Variants in DOCK11 observed in about 807,000 individuals in gnomAD.
DOCK11 encodes dedicator of cytokinesis protein 11.
DOCK11 carries 70 observed loss-of-function variants against 169.1 expected under a neutral mutation model. The ratio of observed to expected loss-of-function variants is 0.41; its 90% CI spans 0.34 to 0.51. The LOEUF (loss-of-function observed/expected upper bound fraction) is 0.51. Ranked by LOEUF, DOCK11 falls within the 20% of genes least tolerant of loss-of-function variation. DOCK11 has a pLI of 0.10. For synonymous variants in DOCK11, 529 were observed against 541.3 expected, an observed-to-expected ratio of 0.98 and a Z score of 0.32; for missense variants, 1,166 against 1,538.8, an observed-to-expected ratio of 0.76 and a Z score of 4.05.
chrX:118,639,649 G>T, intron 38 of DOCK11, 72 bp downstream of exon 38: 1 of 1,058,438 alleles, frequency 9.4e-7, no homozygotes, highest in Non-Finnish European at 1.3e-6. Context: ...AAAACTGAAG[G>T]TGATGGATAC....
At chrX:118,503,163 G>A (rs768417365) in intron 1 of DOCK11, among the ~76,000 whole-genome samples, 1 of 104,323 alleles carries the variant, frequency 9.6e-6, no homozygotes, top group East Asian at 3.1e-4. Context: ...GGGTTCAAGC[G>A]ATTCTCCTGC....
intron 33 of DOCK11, 150 bp from the exon 34 acceptor site, chrX:118,628,013 T>C: frequency 2.5e-6 from 1 of 392,711 alleles, no homozygotes; most frequent in Non-Finnish European, 4.5e-6. Context: ...TGGTTTCTTA[T>C]GGTGTTTTGA....
intron 1 of DOCK11, among the ~76,000 whole-genome samples, chrX:118,507,642 G>C (rs1476183452): frequency 8.9e-6 from 1 of 111,984 alleles, no homozygotes; most frequent in Non-Finnish European, 1.9e-5. Context: ...GAGCCACCGT[G>C]CCCGGCCCGT....
chrX:118,574,077 G>T, intron 12 of DOCK11, 59 bp downstream of exon 12: 5 of 1,075,454 alleles, frequency 4.6e-6, no homozygotes, highest in Non-Finnish European at 6.4e-6. Flanking sequence ...AAATATTCTT[G>T]TATTATTTCA....
chrX:118,602,094 C>CT (rs536697143), intron 23 of DOCK11, among the ~76,000 whole-genome samples: 33,888 of 74,559 alleles, frequency 0.45, 8,387 homozygotes, highest in East Asian at 0.82. Context: ...CCGGCCAAGA[C>CT]TTTTTTTTTT....
chrX:118,527,037 G>A (rs2011392768), intron 1 of DOCK11, among the ~76,000 whole-genome samples: 1 of 111,895 alleles, frequency 8.9e-6, no homozygotes, highest in African/African-American at 3.3e-5. Context: ...ACTCCCTAAT[G>A]TTTTCATTGC....
chrX:118,503,399 A>G (rs2057589865), intron 1 of DOCK11, among the ~76,000 whole-genome samples: 1 of 111,839 alleles, frequency 8.9e-6, no homozygotes, highest in African/African-American at 3.3e-5. Flanking sequence ...AATGGAGATA[A>G]GGGAGAAGAC....
intron 45 of DOCK11, among the ~76,000 whole-genome samples, chrX:118,666,925 G>A (rs1026819313): frequency 1.8e-5 from 2 of 111,754 alleles, no homozygotes; most frequent in African/African-American, 6.5e-5. Context: ...TATTAGGTGT[G>A]AATCAACATC....
chrX:118,535,186 T>G (rs759248540), intron 1 of DOCK11, among the ~76,000 whole-genome samples: 4 of 112,137 alleles, frequency 3.6e-5, no homozygotes, highest in Non-Finnish European at 5.6e-5. Flanking sequence ...GAGAAAATGA[T>G]TTGCTTTTGT....
At chrX:118,527,944 A>G (rs962935197) in intron 1 of DOCK11, among the ~76,000 whole-genome samples, 7 of 112,499 alleles carry the variant, frequency 6.2e-5, no homozygotes, top group African/African-American at 2.3e-4. Flanking sequence ...TAGGAAGTGG[A>G]TAGAGTGGTA....
At chrX:118,610,487 T>G in intron 28 of DOCK11, 69 bp downstream of exon 28, 2 of 1,133,557 alleles carry the variant, frequency 1.8e-6, no homozygotes. Flanking sequence ...AGAAAAAAAT[T>G]AAGCACTTTC....
intron 19 of DOCK11, among the ~76,000 whole-genome samples, chrX:118,590,717 G>A (rs768145937): frequency 8.9e-6 from 1 of 112,000 alleles, no homozygotes; most frequent in African/African-American, 3.3e-5. Flanking sequence ...ACAGTAGGGT[G>A]CAGCCTCTCT....
intron 1 of DOCK11, among the ~76,000 whole-genome samples, chrX:118,512,063 G>A (rs1012065711): frequency 9.8e-5 from 11 of 111,825 alleles, no homozygotes; most frequent in Non-Finnish European, 1.9e-4. Context: ...ACAGGCGCAC[G>A]CCGCCATGCG....
intron 44 of DOCK11, among the ~76,000 whole-genome samples, chrX:118,657,408 TTAAA>T: frequency 8.9e-6 from 1 of 112,270 alleles, no homozygotes. Flanking sequence ...TTTCTTTTAA[TTAAA>T]TTTTATTTTA....
At chrX:118,544,529 A>G (rs1196301562) in intron 4 of DOCK11, among the ~76,000 whole-genome samples, 3 of 109,402 alleles carry the variant, frequency 2.7e-5, no homozygotes, top group Non-Finnish European at 5.7e-5. Flanking sequence ...ACTGAGTCCT[A>G]TATGACAGCC....
At chrX:118,517,040 G>A (rs886443700) in intron 1 of DOCK11, among the ~76,000 whole-genome samples, 2 of 111,574 alleles carry the variant, frequency 1.8e-5, no homozygotes, top group Non-Finnish European at 3.8e-5. Context: ...CCCAAAGGAT[G>A]TTGTATGTTG....
intron 14 of DOCK11, 98 bp from the exon 15 acceptor site, chrX:118,584,637 T>C: frequency 1.3e-6 from 1 of 787,418 alleles, no homozygotes; most frequent in South Asian, 3.8e-5. Flanking sequence ...GTTTCCAAAG[T>C]GGTTTCACCA....
intron 14 of DOCK11, among the ~76,000 whole-genome samples, chrX:118,584,504 T>A (rs533288124): frequency 5.3e-5 from 6 of 112,324 alleles, no homozygotes; most frequent in African/African-American, 1.9e-4. Context: ...TTTATATAAA[T>A]TTTTGTTAAA....
At chrX:118,685,425 G>A (rs773656715) in intron 52 of DOCK11, 1 of 252,317 alleles carries the variant, frequency 4.0e-6, no homozygotes, top group Non-Finnish European at 7.0e-6. Context: ...GTTACCTCTC[G>A]CTTTTTATTG....
Sources: gnomAD v4.1 joint callset for allele counts (sites outside exome capture counted in the v4.1 genomes callset) on GRCh38, gnomAD v4.1.1 for gene constraint, MANE v1.5 for transcripts, NCBI Gene and HGNC (gene_info 2026-07-23, HGNC 2026-07-21) for gene names.